The following PLXNB2 variants were observed in gnomAD, a reference collection of about 807,000 sequenced individuals.
PLXNB2 encodes plexin B2.
PLXNB2 carries 85 observed loss-of-function variants against 202.6 expected under a neutral mutation model. The observed-to-expected ratio is 0.42, with a 90% CI of 0.35 to 0.50. The LOEUF (loss-of-function observed/expected upper bound fraction) is 0.50, where lower values mean the gene tolerates loss of function less well. PLXNB2 is among the 20% of genes least tolerant of loss of function. The probability of loss-of-function intolerance (pLI) is 0.02; values close to 1 mark genes in which losing one functional copy is unlikely to be tolerated. For missense variants in PLXNB2, 2,063 were observed against 2,586.2 expected (o/e 0.80, Z 4.39); for synonymous variants, 1,239 against 1,137.6 (o/e 1.09, Z -1.79).
rs1317935437 is a variant in PLXNB2 at position 50,275,456 on chromosome 22, C to T, written c.*248G>A. 3.2e-6 allele frequency: 2 copies of T among 632,902 alleles called. No homozygotes were observed. The highest frequency in any genetic ancestry group is 2.9e-6 in the Non-Finnish European group (1 of 340,170). 39.2% of individuals were successfully genotyped at this position (632,902 alleles called of 1,614,324 possible). On this transcript the variant is annotated 3_prime_UTR_variant, in exon 37 of 37. Coordinates refer to ENST00000359337, the MANE Select transcript of PLXNB2 (RefSeq NM_012401.4). ...ATCACTGGAGACTCGACAGTGAACA[C>T]CCGATGCTGGTTCTGCGGCCGGAGG...
chr22:50,283,498 C>T lies in PLXNB2; in HGVS notation c.2571-53G>A, dbSNP rs535089043. On this transcript the variant is annotated intron_variant, in intron 15 of 36. Coordinates refer to ENST00000359337, the MANE Select transcript of PLXNB2 (RefSeq NM_012401.4). ...GGCACTCCCCGACCCACCCCACACC[C>T]TGACACCCTCACCCCCTCAGCCTCC... 1.9e-6 allele frequency: 3 copies of T among 1,571,560 alleles called. No individual in the cohort carries two copies. In the African/African-American group the frequency reaches 4.1e-5, roughly 21 times the overall value.
At chr22:50,296,590 CAAAAAAAAAAA>C (rs34197202) in intron 1 of PLXNB2, among the ~76,000 whole-genome samples, 7 of 56,460 alleles carry the variant, frequency 1.2e-4, no homozygotes, top group South Asian at 7.5e-4. Context: ...GACTCTGTCT[CAAAAAAAAAAA>C]AAAAAAAAAA....
In PLXNB2 at chr22:50,278,966, C is replaced by A. The variant is rs375377088; in HGVS notation, c.4435G>T (p.Val1479Leu). 1.2e-6 allele frequency: 2 copies of A among 1,613,702 alleles called. No individual in the cohort carries two copies. The highest frequency in any genetic ancestry group is 1.7e-6 in the Non-Finnish European group (2 of 1,179,860). The change falls in exon 28 of 37, where the codon GTG becomes TTG. Residue 1479 changes from valine to leucine, a missense_variant. Coordinates refer to ENST00000359337, the MANE Select transcript of PLXNB2 (RefSeq NM_012401.4). ...ATGGTGTCACAGTTGAGGACCTTCA[C>A]CGGGATGGCGTCCACTCCCTCGTCC... ...VQDEGVDAIP[V>L]KVLNCDTISQ...
In PLXNB2 at chr22:50,290,490, T is replaced by C; in HGVS notation, c.95A>G (p.Lys32Arg). ...ATCCACAGCCAGGTGGTTCAGCTCT[T>C]TCTCGCTGCGGAAGAAGTCCAGCTT... ...PRKLDFFRSE[K>R]ELNHLAVDEA... Residue 32 changes from lysine to arginine, a missense_variant, in exon 3 of 37, where the codon AAA (lysine) becomes AGA (arginine). Lys to Arg is a conservative substitution (Grantham distance 26, BLOSUM62 2). This residue lies in a region of PLXNB2 where 1,303 missense variants were observed against 1,476.8 expected (regional missense o/e 0.88). Coordinates refer to ENST00000359337, the MANE Select transcript of PLXNB2 (RefSeq NM_012401.4). The C allele has an allele frequency of 6.2e-7, 1 of 1,612,826 alleles. No individual in the cohort carries two copies. Among genetic ancestry groups the C allele is most frequent in the African/African-American group, 1.3e-5 (1 of 75,060 alleles).
At chr22:50,293,640 G>T (rs1271990702) in intron 2 of PLXNB2, among the ~76,000 whole-genome samples, 1 of 152,236 alleles carries the variant, frequency 6.6e-6, no homozygotes, top group Non-Finnish European at 1.5e-5. Flanking sequence ...GCAGCGCGGG[G>T]GCGGGGCCCA....
chr22:50,276,230 G>A (rs1330807314), intron 35 of PLXNB2, among the ~76,000 whole-genome samples: 6 of 137,408 alleles, frequency 4.4e-5, no homozygotes, highest in Non-Finnish European at 9.8e-5. Context: ...GAGCAGGGCT[G>A]TGGGTGGAGC....
intron 2 of PLXNB2, among the ~76,000 whole-genome samples, chr22:50,292,328 ACT>A (rs1262216655): frequency 7.9e-6 from 1 of 126,644 alleles, no homozygotes; most frequent in African/African-American, 3.2e-5. Context: ...ACAGAGCGAG[ACT>A]CTGTCTCAAA....
In PLXNB2 at chr22:50,283,836, G is replaced by A. The variant is rs2066208095; in HGVS notation, c.2418C>T (p.Thr806=). The change falls in exon 14 of 37, where the codon ACC becomes ACT. Residue 806 remains threonine, a synonymous_variant. Coordinates refer to ENST00000359337, the MANE Select transcript of PLXNB2 (RefSeq NM_012401.4). The stretch of plus-strand genomic sequence containing the variant: ...GGCCAGGCTTCGAGGGGCTCACCCT[G>A]GTGATGACGGGCGGCGGGCACTCGG... ...TTSECPPPVI[T]RIQPETGPLG... is the part of the protein sequence containing the mutation. 6.2e-7 allele frequency: 1 copy of A among 1,610,716 alleles called. No individual in the cohort carries two copies. Among genetic ancestry groups the A allele is most frequent in the Non-Finnish European group, 8.5e-7 (1 of 1,178,130 alleles).
At position 50,290,150 on chromosome 22, in the gene PLXNB2, G is replaced by A; in HGVS notation, c.435C>T (p.Ala145=). ...EDGSGEKSFV[A]SNDEGVATVG... The stretch of plus-strand genomic sequence containing the variant: ...CTGTGGCCACGCCCTCATCATTGCT[G>A]GCCACGAAAGACTTCTCCCCGCTGC... Residue 145 remains alanine (A), a synonymous_variant, in exon 3 of 37, where the codon GCC becomes GCT. Transcript: ENST00000359337. 6.2e-7 allele frequency: 1 copy of A among 1,612,972 alleles called. No homozygotes were observed. Among genetic ancestry groups the A allele is most frequent in the Non-Finnish European group, 8.5e-7 (1 of 1,179,986 alleles).
At chr22:50,302,235 G>A (rs1307960930) in intron 1 of PLXNB2, among the ~76,000 whole-genome samples, 1 of 152,208 alleles carries the variant, frequency 6.6e-6, no homozygotes, top group Non-Finnish European at 1.5e-5. Flanking sequence ...GGGTGAGGCA[G>A]CCCAGGGTGT....
At chr22:50,306,681 C>CCACCCTCACCCTCACCCT (rs373798870) in intron 1 of PLXNB2, among the ~76,000 whole-genome samples, 27 of 145,540 alleles carry the variant, frequency 1.9e-4, no homozygotes, top group East Asian at 8.5e-4. Context: ...GGTTTGGGGC[C>CCACCCTCACCCTCACCCT]CACCCTCACC....
At chr22:50,290,913 C>T (rs894462176) in intron 2 of PLXNB2, among the ~76,000 whole-genome samples, 8 of 152,318 alleles carry the variant, frequency 5.3e-5, no homozygotes, top group Admixed American at 1.3e-4. Flanking sequence ...AAGGAGTTGA[C>T]GCCCCCAGAA....
At position 50,277,615 on chromosome 22, in the gene PLXNB2, C is replaced by T. The variant is rs200140395; in HGVS notation, c.5172G>A (p.Thr1724=). 2.6e-5 allele frequency: 42 copies of T among 1,596,322 alleles called. No individual in the cohort carries two copies. Among genetic ancestry groups the T allele is most frequent in the Admixed American group, 1.2e-4 (7 of 58,776 alleles). ...VIAQTFMDAC[T]RTEHKLSRDS... ...CGCGGCTCAGCTTATGCTCCGTGCG[C>T]GTGCAGGCATCCATGAAGGTCTGCG... Residue 1724 remains threonine, a synonymous_variant, in exon 33 of 37, where the codon ACG becomes ACA. Coordinates refer to ENST00000359337, the MANE Select transcript of PLXNB2 (RefSeq NM_012401.4).
At chr22:50,287,316 C>T (rs921445272) in intron 7 of PLXNB2, 52 bp from the exon 8 acceptor site, 1 of 1,451,104 alleles carries the variant, frequency 6.9e-7, no homozygotes. Flanking sequence ...CCTGTCAGCC[C>T]ACCTGCCGGT....
chr22:50,282,521 G>A (rs1010574261), intron 18 of PLXNB2, 190 bp downstream of exon 18: 27 of 674,710 alleles, frequency 4.0e-5, no homozygotes, highest in South Asian at 1.2e-4. Flanking sequence ...CCTGGTGAGC[G>A]TGGAGCCTCT....
chr22:50,284,897 C>G lies in PLXNB2; in HGVS notation c.2089-232G>C, dbSNP rs1420857519. ...CTCTGTGGGTTTCCCACGGCCACCT[C>G]CACCACTCATCCACACCTGAGAACA... On this transcript the variant is annotated intron_variant, in intron 11 of 36. Transcript: ENST00000359337. This position sits in a 1 kb window ranked among gnomAD's most constrained non-coding sequence, Gnocchi z 8.0. 9.2e-6 allele frequency: 6 copies of G among 655,600 alleles called. No homozygotes were observed. The highest frequency in any genetic ancestry group is 5.4e-5 in the African/African-American group (3 of 55,648). 40.6% of individuals were successfully genotyped at this position (655,600 alleles called of 1,614,324 possible).
At chr22:50,275,836 C>G in intron 36 of PLXNB2, 28 bp from the exon 37 acceptor site, 1 of 1,607,538 alleles carries the variant, frequency 6.2e-7, no homozygotes, top group South Asian at 1.1e-5. Flanking sequence ...CAGAGCACAC[C>G]GGGGGACCGC....
chr22:50,285,851 C>T lies in PLXNB2; in HGVS notation c.2037G>A (p.Met679Ile), dbSNP rs774901026. The change falls in exon 11 of 37, where the codon ATG (methionine) becomes ATA (isoleucine). Residue 679 changes from methionine (M) to isoleucine (I), a missense_variant. Around this residue, in one of 2 missense-constraint regions of PLXNB2, gnomAD observed 1,303 missense variants for 1,476.8 expected, o/e 0.88. Transcript: ENST00000359337. ...GGAAGTTCACATCTGTCTCGTGGTT[C>T]ATGGGGATCACCAGGGGGCTGGGTC... ...FLGPSPLVIP[M>I]NHETDVNFQG... The T allele has an allele frequency of 2.4e-5, 38 of 1,612,904 alleles. No homozygotes were observed. Among genetic ancestry groups the T allele is most frequent in the South Asian group, 2.1e-4 (19 of 91,074 alleles).
chr22:50,275,778 C>T lies in PLXNB2; in HGVS notation c.5443G>A (p.Ala1815Thr), dbSNP rs748967251. 9.3e-6 allele frequency: 15 copies of T among 1,612,378 alleles called. No individual in the cohort carries two copies. The highest frequency in any genetic ancestry group is 4.5e-5 in the East Asian group (2 of 44,872). ...IINALEEDPA[A>T]QKMQLAFRLQ... ...CGGAAGGCCAGCTGCATCTTCTGGGCGGCAGGATCCTCCTCCAAGGCATTG... is the reference window on the plus strand; with the variant it reads ...CGGAAGGCCAGCTGCATCTTCTGGGTGGCAGGATCCTCCTCCAAGGCATTG... Residue 1815 changes from alanine to threonine, a missense_variant, in exon 37 of 37, where the codon GCC (alanine) becomes ACC (threonine). Coordinates refer to ENST00000359337, the MANE Select transcript of PLXNB2 (RefSeq NM_012401.4).
Sources: gnomAD v4.1 joint callset for allele counts (sites outside exome capture counted in the v4.1 genomes callset) on GRCh38, gnomAD v4.1.1 for gene constraint, gnomAD v4.1.1 regional missense constraint, Gnocchi (gnomAD v3.1) non-coding constraint, MANE v1.5 for transcripts, NCBI Gene and HGNC (gene_info 2026-07-23, HGNC 2026-07-21) for gene names.